Variants in STAG1 observed in about 807,000 individuals in gnomAD.
The protein encoded by STAG1 is cohesin subunit SA-1.
STAG1 carries 26 observed loss-of-function variants against 170.9 expected under a neutral mutation model. The ratio of observed to expected loss-of-function variants is 0.15; its 90% CI spans 0.11 to 0.21. STAG1 has a LOEUF of 0.21. Ranked by LOEUF, STAG1 falls within the 10% of genes least tolerant of loss-of-function variation. The pLI is 1.00. For synonymous variants in STAG1, 514 were observed against 497.7 expected, an observed-to-expected ratio of 1.03 and a Z score of -0.44; for missense variants, 964 against 1,509.5, an observed-to-expected ratio of 0.64 and a Z score of 5.99.
At chr3:136,563,000 T>C (rs1364374084) in intron 5 of STAG1, among the ~76,000 whole-genome samples, 1 of 152,240 alleles carries the variant, frequency 6.6e-6, no homozygotes, top group African/African-American at 2.4e-5. Context: ...ATTCAGACTA[T>C]GCACTTCTGG....
intron 1 of STAG1, among the ~76,000 whole-genome samples, chr3:136,707,973 T>C (rs929186714): frequency 4.9e-4 from 75 of 152,132 alleles, no homozygotes; most frequent in Non-Finnish European, 3.2e-4. Context: ...GGCGGCTATA[T>C]TTTTTTAAAA....
chr3:136,692,737 T>C (rs1052874876), intron 1 of STAG1, among the ~76,000 whole-genome samples: 2 of 152,200 alleles, frequency 1.3e-5, no homozygotes, highest in Admixed American at 1.3e-4. Flanking sequence ...TTTTTTTTAA[T>C]TGGGAGAATA....
chr3:136,340,445 G>T, intron 32 of STAG1, 46 bp downstream of exon 32: 1 of 1,241,654 alleles, frequency 8.1e-7, no homozygotes, highest in Non-Finnish European at 1.2e-6. Context: ...TTACACCAAT[G>T]CCCCCACATA....
chr3:136,584,646 T>C (rs891640274), intron 4 of STAG1, among the ~76,000 whole-genome samples: 2 of 152,242 alleles, frequency 1.3e-5, no homozygotes, highest in Non-Finnish European at 2.9e-5. Flanking sequence ...ACATCCAATA[T>C]CTTTCAATCC....
At chr3:136,532,626 C>G (rs1410241379) in intron 6 of STAG1, among the ~76,000 whole-genome samples, 2 of 152,066 alleles carry the variant, frequency 1.3e-5, no homozygotes, top group Non-Finnish European at 2.9e-5. Context: ...TGCAAATCAA[C>G]AAATGTGATA....
intron 4 of STAG1, among the ~76,000 whole-genome samples, chr3:136,570,820 T>C (rs1354869458): frequency 1.3e-5 from 2 of 152,258 alleles, no homozygotes; most frequent in African/African-American, 4.8e-5. Context: ...AAGAGAAGAC[T>C]TTCTATACAT....
chr3:136,722,286 A>C (rs1176826725), intron 1 of STAG1, among the ~76,000 whole-genome samples: 1 of 152,156 alleles, frequency 6.6e-6, no homozygotes, highest in Non-Finnish European at 1.5e-5. Context: ...CCACAAAGAT[A>C]TATCTTTCCG....
chr3:136,567,090 A>G (rs1434585919), intron 5 of STAG1, among the ~76,000 whole-genome samples: 1 of 151,688 alleles, frequency 6.6e-6, no homozygotes, highest in African/African-American at 2.4e-5. Context: ...GGATGGGAAG[A>G]CAGAAAGGCA....
chr3:136,711,368 T>G, intron 1 of STAG1, among the ~76,000 whole-genome samples: 1 of 152,128 alleles, frequency 6.6e-6, no homozygotes, highest in Non-Finnish European at 1.5e-5. Context: ...CTGGGCAGCC[T>G]GAGTAACATA....
At chr3:136,399,400 T>C (rs1157052779) in intron 21 of STAG1, among the ~76,000 whole-genome samples, 3 of 152,168 alleles carry the variant, frequency 2.0e-5, no homozygotes, top group African/African-American at 7.2e-5. Flanking sequence ...TATGGATTAT[T>C]TGGGAATTGG....
At chr3:136,371,668 A>G (rs1451943261) in intron 23 of STAG1, among the ~76,000 whole-genome samples, 3 of 152,048 alleles carry the variant, frequency 2.0e-5, no homozygotes, top group Non-Finnish European at 4.4e-5. Context: ...ATAGTTGTAG[A>G]TATGCGGCAT....
At chr3:136,463,742 T>TGCGC (rs1437580761) in intron 13 of STAG1, among the ~76,000 whole-genome samples, 2 of 79,504 alleles carry the variant, frequency 2.5e-5, no homozygotes, top group Non-Finnish European at 2.5e-5. Flanking sequence ...TATATGTGTG[T>TGCGC]GTGTGTGTGT....
At chr3:136,484,246 G>C (rs562628490) in intron 9 of STAG1, among the ~76,000 whole-genome samples, 135 of 152,176 alleles carry the variant, frequency 8.9e-4, no homozygotes, top group Middle Eastern at 3.4e-3. Context: ...GTGATGTACA[G>C]ATGGGTTTTC....
At chr3:136,413,883 C>T (rs975896903) in intron 21 of STAG1, among the ~76,000 whole-genome samples, 1 of 152,100 alleles carries the variant, frequency 6.6e-6, no homozygotes, top group African/African-American at 2.4e-5. Context: ...AAGTTTACTC[C>T]CAGACCATCA....
At chr3:136,418,873 T>A (rs2087861458) in intron 20 of STAG1, among the ~76,000 whole-genome samples, 5 of 152,118 alleles carry the variant, frequency 3.3e-5, no homozygotes, top group Admixed American at 3.3e-4. Flanking sequence ...ACTCCTGGAC[T>A]CAAGAGATCC....
intron 10 of STAG1, among the ~76,000 whole-genome samples, chr3:136,476,920 T>C (rs1465546245): frequency 2.6e-5 from 4 of 152,318 alleles, no homozygotes; most frequent in East Asian, 1.9e-4. Flanking sequence ...CACTCTACTA[T>C]GATATGGTCC....
chr3:136,729,475 C>A (rs1204876230), intron 1 of STAG1, among the ~76,000 whole-genome samples: 2 of 151,552 alleles, frequency 1.3e-5, no homozygotes, highest in Non-Finnish European at 2.9e-5. Context: ...GATTCTTTAA[C>A]ACAGTAAATA....
chr3:136,750,877 T>C (rs765961286), intron 1 of STAG1, among the ~76,000 whole-genome samples: 1 of 152,260 alleles, frequency 6.6e-6, no homozygotes, highest in African/African-American at 2.4e-5. Context: ...CAAGGTACGT[T>C]ACATTACCAT....
chr3:136,744,327 C>T (rs1021246591), intron 1 of STAG1, among the ~76,000 whole-genome samples: 1 of 152,002 alleles, frequency 6.6e-6, no homozygotes, highest in Non-Finnish European at 1.5e-5. Flanking sequence ...AACTCCGTCT[C>T]CAAAATAAAA....
Sources: allele counts gnomAD v4.1 joint callset (sites outside exome capture counted in the v4.1 genomes callset), GRCh38; gene constraint gnomAD v4.1.1; transcripts MANE v1.5; gene names NCBI Gene and HGNC (gene_info 2026-07-23, HGNC 2026-07-21).